DZIP3: variants seen among roughly 807,000 people sequenced by gnomAD.
The protein encoded by DZIP3 is E3 ubiquitin-protein ligase DZIP3.
A neutral mutation model predicts 162.0 loss-of-function variants in DZIP3; 118 were observed. The observed-to-expected ratio is 0.73, with a 90% CI of 0.63 to 0.85. The LOEUF (loss-of-function observed/expected upper bound fraction) is 0.85. DZIP3 is among the 40% of genes least tolerant of loss of function. The pLI is 0.00. For synonymous variants in DZIP3, 438 were observed against 458.6 expected (o/e 0.96, Z 0.57); for missense variants, 1,331 against 1,407.0 (o/e 0.95, Z 0.86).
At chr3:108,664,655 C>T (rs182077619) in intron 21 of DZIP3, among the ~76,000 whole-genome samples, 1 of 152,232 alleles carries the variant, frequency 6.6e-6, no homozygotes, top group Non-Finnish European at 1.5e-5. Flanking sequence ...CCTTTTCCCC[C>T]CTTCCCTCAG....
intron 26 of DZIP3, among the ~76,000 whole-genome samples, chr3:108,682,161 C>G (rs1463487585): frequency 6.6e-6 from 1 of 150,798 alleles, no homozygotes; most frequent in Non-Finnish European, 1.5e-5. Flanking sequence ...GGAACCCTTA[C>G]ACACTGTTGG....
At chr3:108,622,276 G>C (rs1941390590) in intron 5 of DZIP3, among the ~76,000 whole-genome samples, 1 of 152,156 alleles carries the variant, frequency 6.6e-6, no homozygotes, top group Non-Finnish European at 1.5e-5. Context: ...TCTTTAGCAT[G>C]TCAATTGCTT....
Position 108,660,756 on chromosome 3 carries a change from A to G in DZIP3, c.2200-1121A>G, listed in dbSNP as rs1200437029. 8.6e-5 allele frequency among the ~76,000 whole-genome samples: 13 copies of G among 150,372 alleles called. 1 individual carries two copies. In the Middle Eastern group the frequency reaches 0.017, roughly 198 times the overall value. On this transcript the variant is annotated intron_variant, in intron 19 of 32. Transcript: ENST00000361582. ...CCTACTCATCTGACAAAGGGCTAAT[A>G]TCCAGAATCTGCAATGAACTCAAAC...
intron 26 of DZIP3, among the ~76,000 whole-genome samples, chr3:108,679,192 A>T (rs1201916713): frequency 1.3e-5 from 2 of 152,118 alleles, no homozygotes; most frequent in Non-Finnish European, 1.5e-5. Context: ...TAAATTCTTC[A>T]ATGGCTCTTA....
intron 7 of DZIP3, among the ~76,000 whole-genome samples, chr3:108,627,546 T>C (rs553413911): frequency 3.4e-4 from 52 of 152,326 alleles, no homozygotes; most frequent in Non-Finnish European, 6.2e-4. Flanking sequence ...CAGCATTTCT[T>C]CTTAATTTAC....
chr3:108,620,249 T>C lies in DZIP3; in HGVS notation c.375+3592T>C, dbSNP rs779292832. Among the ~76,000 whole-genome samples, 91 of 152,210 alleles carry C rather than the reference T, an allele frequency of 6.0e-4. 2 individuals are homozygous for C. The highest frequency in any genetic ancestry group is 1.4e-4 in the African/African-American group (6 of 41,452). On this transcript the variant is annotated intron_variant, in intron 5 of 32. Transcript: ENST00000361582. Reference sequence around the variant, plus strand: ...AGAGACTCAGTGATCAATATTTTTATTGGGCGTTGGTCATCTAGGTACCTG... The same window carrying C: ...AGAGACTCAGTGATCAATATTTTTACTGGGCGTTGGTCATCTAGGTACCTG...
intron 3 of DZIP3, among the ~76,000 whole-genome samples, chr3:108,608,603 A>G (rs1234658156): frequency 6.6e-6 from 1 of 152,188 alleles, no homozygotes; most frequent in Non-Finnish European, 1.5e-5. Flanking sequence ...TATGGTTAGA[A>G]CTTCTAGGTC....
At chr3:108,692,980 G>T (rs1227669399) in intron 32 of DZIP3, among the ~76,000 whole-genome samples, 1 of 150,438 alleles carries the variant, frequency 6.6e-6, no homozygotes, top group African/African-American at 2.4e-5. Flanking sequence ...CTGTTCTCTT[G>T]TCAATCTGTC....
intron 24 of DZIP3, 78 bp downstream of exon 24, chr3:108,674,259 G>C (rs1017662556): frequency 4.6e-6 from 6 of 1,299,308 alleles, no homozygotes; most frequent in South Asian, 3.7e-5. Flanking sequence ...TATAATCTGT[G>C]ATGTGTTTTA....
At position 108,688,086 on chromosome 3, in the gene DZIP3, A is replaced by G. The variant is rs778127451; in HGVS notation, c.3260A>G (p.Lys1087Arg). 19 of 1,613,348 alleles carry G rather than the reference A, an allele frequency of 1.2e-5. No individual in the cohort carries two copies. Among genetic ancestry groups the G allele is most frequent in the African/African-American group, 6.7e-5 (5 of 74,918 alleles). ...AAGATTTCCCAGTTTATTGACCCCA[A>G]AAAGTCTCAGGTAAAATGCAAAAAC... ...VCKISQFIDP[K>R]KSQSQGKSVS... The change falls in exon 29 of 33, where the codon AAA becomes AGA. Residue 1087 changes from lysine to arginine, a missense_variant. This residue lies in a region of DZIP3 where 1,278 missense variants were observed against 1,317.1 expected (regional missense o/e 0.97). Transcript: ENST00000361582.
At chr3:108,642,388 C>G (rs1942438589) in intron 12 of DZIP3, 50 bp from the exon 13 acceptor site, 3 of 1,434,394 alleles carry the variant, frequency 2.1e-6, no homozygotes, top group Non-Finnish European at 1.9e-6. Flanking sequence ...TCTTGACTGA[C>G]TTTGGTATTA....
chr3:108,634,086 A>AAAAAAATAACACAC (rs1439102994), intron 9 of DZIP3, among the ~76,000 whole-genome samples: 2 of 152,086 alleles, frequency 1.3e-5, no homozygotes. Context: ...CTGATATCTT[A>AAAAAAATAACACAC]ATTGCGAGGC....
intron 26 of DZIP3, among the ~76,000 whole-genome samples, chr3:108,681,875 A>C (rs1944325342): frequency 6.7e-6 from 1 of 148,574 alleles, no homozygotes; most frequent in African/African-American, 2.6e-5. Context: ...GTGGGAGTTG[A>C]ACAATGAGAA....
intron 23 of DZIP3, among the ~76,000 whole-genome samples, chr3:108,672,990 C>T (rs994026412): frequency 6.6e-6 from 1 of 151,908 alleles, no homozygotes; most frequent in African/African-American, 2.4e-5. Flanking sequence ...CATTTTACTG[C>T]TGCCACAATA....
chr3:108,659,429 T>C (rs1261103988), intron 19 of DZIP3, among the ~76,000 whole-genome samples: 1 of 152,148 alleles, frequency 6.6e-6, no homozygotes, highest in Admixed American at 6.6e-5. Flanking sequence ...TTTGACAAAA[T>C]TCAACAACGC....
In DZIP3 at chr3:108,632,020, G is replaced by A. The variant is rs537750653; in HGVS notation, c.697-933G>A. 2.6e-5 allele frequency among the ~76,000 whole-genome samples: 4 copies of A among 151,560 alleles called. No individual in the cohort carries two copies. The East Asian group carries it at 7.8e-4, about 29-fold the overall frequency. On this transcript the variant is annotated intron_variant, in intron 8 of 32. Transcript: ENST00000361582. ...CTGTCTGGGAAATTTTCTCAACTTT[G>A]TCCTCCTACATTGAGCCGATATTTG... is the stretch of plus-strand genomic sequence containing the variant.
rs192517289 is a variant in DZIP3, at chr3:108,623,569, T to G, written c.376-875T>G. 1.3e-3 allele frequency among the ~76,000 whole-genome samples: 195 copies of G among 152,220 alleles called. 1 individual carries two copies. The Middle Eastern group carries it at 0.014, about 11-fold the overall frequency. ...CTCCTCTGCTCAAGCAGAGGGAAGG[T>G]GTCTCTCCCAGACGTGTGAGTTGTT... On this transcript the variant is annotated intron_variant, in intron 5 of 32. Transcript: ENST00000361582.
chr3:108,684,102 C>G, intron 26 of DZIP3, 114 bp from the exon 27 acceptor site: 1 of 1,233,382 alleles, frequency 8.1e-7, no homozygotes. Flanking sequence ...ATCTTGAGTT[C>G]AAATGAGTGT....
intron 18 of DZIP3, among the ~76,000 whole-genome samples, chr3:108,653,507 GTATATATATATATATA>G (rs57047978): frequency 1.4e-4 from 15 of 104,614 alleles, no homozygotes; most frequent in South Asian, 3.2e-4. Flanking sequence ...GTGTGTGTGT[GTATATATATATATATA>G]TATATATATA....
Sources: allele counts gnomAD v4.1 joint callset (sites outside exome capture counted in the v4.1 genomes callset), GRCh38; gene constraint gnomAD v4.1.1; regional missense constraint gnomAD v4.1.1; transcripts MANE v1.5; gene names NCBI Gene and HGNC (gene_info 2026-07-23, HGNC 2026-07-21).